Variants in CFAP69 observed in about 807,000 individuals in gnomAD.
The protein encoded by CFAP69 is cilia and flagella associated protein 69, also known as cilia- and flagella-associated protein 69.
In CFAP69, 92 loss-of-function variants were observed where a neutral mutation model predicts 123.0. The ratio of observed to expected loss-of-function variants is 0.75; its 90% CI spans 0.63 to 0.89. CFAP69 has a LOEUF of 0.89. Among genes scored for constraint, CFAP69 ranks in the 40% least tolerant of loss-of-function variants. CFAP69 has a pLI of 0.00. For synonymous variants in CFAP69, 380 were observed against 364.3 expected, an observed-to-expected ratio of 1.04 and a Z score of -0.49; for missense variants, 1,067 against 1,096.9, an observed-to-expected ratio of 0.97 and a Z score of 0.39.
chr7:90,309,664 A>C (rs1283139213), intron 22 of CFAP69, among the ~76,000 whole-genome samples: 2 of 152,074 alleles, frequency 1.3e-5, no homozygotes, highest in Non-Finnish European at 2.9e-5. Context: ...ATTTATCTCC[A>C]ATGTATATCC....
chr7:90,297,198 T>C (rs1158863188), intron 15 of CFAP69, among the ~76,000 whole-genome samples: 1 of 152,220 alleles, frequency 6.6e-6, no homozygotes, highest in Non-Finnish European at 1.5e-5. Flanking sequence ...GAGTCTGTTT[T>C]TTCATTCTTA....
At chr7:90,297,375 T>TG (rs796122735) in intron 15 of CFAP69, among the ~76,000 whole-genome samples, 4 of 152,224 alleles carry the variant, frequency 2.6e-5, no homozygotes, top group African/African-American at 4.8e-5. Flanking sequence ...TTCAGTTGGT[T>TG]GGGGGGCTTA....
intron 13 of CFAP69, 33 bp downstream of exon 13, chr7:90,283,089 G>A (rs763932642): frequency 1.4e-6 from 2 of 1,423,710 alleles, no homozygotes; most frequent in Non-Finnish European, 1.9e-6. Flanking sequence ...ACTGATGAAA[G>A]AGGAATATTT....
rs749734255 is a variant in CFAP69, at chr7:90,258,179, A to G, written c.246+16A>G. ...GAATGGACTTGTATCCTTTACATAT[A>G]TATGTATGTTCATTTCATTTATTCT... On this transcript the variant is annotated intron_variant, in intron 3 of 22. Coordinates refer to ENST00000389297, the MANE Select transcript of CFAP69 (RefSeq NM_001039706.3). 1.3e-5 allele frequency: 20 copies of G among 1,500,682 alleles called. No homozygotes were observed. Among genetic ancestry groups the G allele is most frequent in the African/African-American group, 2.8e-5 (2 of 71,944 alleles). 93.0% of individuals were successfully genotyped at this position (1,500,682 alleles called of 1,614,324 possible).
Position 90,286,401 on chromosome 7 carries a change from T to C in CFAP69, c.1656+2T>C, listed in dbSNP as rs1397695583. The C allele has an allele frequency of 2.5e-6, 4 of 1,609,508 alleles. No individual in the cohort carries two copies. The highest frequency in any genetic ancestry group is 3.4e-6 in the Non-Finnish European group (4 of 1,178,616). ...TGTGAGAATCACATTCAAAGGAAGG[T>C]ATGTATGCCTGTGAAAGTTTTGTTC... On this transcript the variant is annotated splice_donor_variant, in intron 14 of 22. Coordinates refer to ENST00000389297, the MANE Select transcript of CFAP69 (RefSeq NM_001039706.3). LOFTEE classifies it high-confidence loss of function.
the CFAP69 span, chr7:90,319,739 C>A: frequency 5.0e-6 from 2 of 398,098 alleles, no homozygotes; most frequent in Non-Finnish European, 8.9e-6. Flanking sequence ...CTTCTTGTAG[C>A]AAAACACATA....
chr7:90,248,574 G>A (rs2116513013), intron 1 of CFAP69, among the ~76,000 whole-genome samples: 1 of 152,238 alleles, frequency 6.6e-6, no homozygotes, highest in South Asian at 2.1e-4. Flanking sequence ...TATGAGTAAA[G>A]TTATTAGTAA....
intron 3 of CFAP69, among the ~76,000 whole-genome samples, chr7:90,258,906 CATT>C (rs1462159537): frequency 2.6e-5 from 4 of 152,088 alleles, no homozygotes; most frequent in African/African-American, 9.7e-5. Flanking sequence ...AAGTCAAAGT[CATT>C]ATTTCTATTA....
chr7:90,282,783 A>G, intron 12 of CFAP69, 109 bp from the exon 13 acceptor site: 2 of 906,032 alleles, frequency 2.2e-6, no homozygotes, highest in Non-Finnish European at 3.0e-6. Flanking sequence ...TAAAGCAAAT[A>G]TGACAAAATT....
At chr7:90,276,033 C>T (rs951330995) in intron 9 of CFAP69, 2 of 152,302 alleles carry the variant, frequency 1.3e-5, no homozygotes, top group East Asian at 1.9e-4. Flanking sequence ...GAATTTCTCT[C>T]GGAGCTACTA....
chr7:90,309,804 C>T (rs1794111614), intron 22 of CFAP69, among the ~76,000 whole-genome samples: 1 of 152,158 alleles, frequency 6.6e-6, no homozygotes, highest in African/African-American at 2.4e-5. Context: ...TTCCCCTTTT[C>T]CTGGCGAGTA....
At chr7:90,255,556 C>A in intron 2 of CFAP69, 74 bp downstream of exon 2, 1 of 1,117,286 alleles carries the variant, frequency 9.0e-7, no homozygotes, top group South Asian at 1.3e-5. Context: ...AACATATATT[C>A]CTTCAAATGT....
chr7:90,288,438 T>A, intron 15 of CFAP69, 86 bp downstream of exon 15: 1 of 1,459,308 alleles, frequency 6.9e-7, no homozygotes, highest in Non-Finnish European at 9.3e-7. Context: ...GAGAAATGTT[T>A]CCTTAGGCAA....
chr7:90,272,022 T>C lies in CFAP69; in HGVS notation c.860+64T>C, dbSNP rs149598775. 1.6e-4 allele frequency: 222 copies of C among 1,412,974 alleles called. No homozygotes were observed. In the Middle Eastern group the frequency reaches 2.1e-3, roughly 14 times the overall value. The allele number at this position is 1,412,974 out of a possible 1,614,324, so 87.5% of individuals were successfully genotyped here. A position where few individuals can be genotyped will look rare whatever the true frequency, so the allele number is the denominator to read the frequency against. On this transcript the variant is annotated intron_variant, in intron 8 of 22. Coordinates refer to ENST00000389297, the MANE Select transcript of CFAP69 (RefSeq NM_001039706.3). ...TTAAAATGACAGCCAGTGACATAAC[T>C]AACATCTTTGTTTGAATCTGTGTTC...
At chr7:90,283,977 G>A (rs1789879026) in intron 13 of CFAP69, among the ~76,000 whole-genome samples, 1 of 152,060 alleles carries the variant, frequency 6.6e-6, no homozygotes, top group African/African-American at 2.4e-5. Context: ...TGCCCAGTTT[G>A]TTTGGGATGA....
At position 90,279,731 on chromosome 7, in the gene CFAP69, G is replaced by A. The variant is rs1325946825; in HGVS notation, c.1210G>A (p.Glu404Lys). 1 of 1,611,724 alleles carries A rather than the reference G, an allele frequency of 6.2e-7. No individual in the cohort carries two copies. The highest frequency in any genetic ancestry group is 1.3e-5 in the African/African-American group (1 of 74,824). Residue 404 changes from glutamate to lysine, a missense_variant, in exon 12 of 23, where the codon GAG becomes AAG. By Grantham distance (56) the Glu-to-Lys change is moderately conservative. Coordinates refer to ENST00000389297, the MANE Select transcript of CFAP69 (RefSeq NM_001039706.3). ...LALFTYVKKP[E>K]KQKIIDWSAA... The stretch of plus-strand genomic sequence containing the variant: ...TTTGTTTACCTATGTTAAGAAGCCT[G>A]AGAAGCAAAAAATAATTGACTGGTC...
At chr7:90,289,554 T>G (rs1790808388) in intron 15 of CFAP69, among the ~76,000 whole-genome samples, 1 of 152,170 alleles carries the variant, frequency 6.6e-6, no homozygotes, top group South Asian at 2.1e-4. Flanking sequence ...TTGTCAAATA[T>G]ATTCTGCCAC....
chr7:90,245,585 G>A (rs746476717), intron 1 of CFAP69, 41 bp downstream of exon 1: 1 of 1,442,094 alleles, frequency 6.9e-7, no homozygotes, highest in South Asian at 1.5e-5. Context: ...GGAGGGGGTG[G>A]GAGTGAAGTC....
chr7:90,283,349 G>T (rs1272627729), intron 13 of CFAP69, among the ~76,000 whole-genome samples: 1 of 151,758 alleles, frequency 6.6e-6, no homozygotes, highest in East Asian at 1.9e-4. Flanking sequence ...AGTAATAAAG[G>T]TCACCACTTT....
Sources: allele counts gnomAD v4.1 joint callset (sites outside exome capture counted in the v4.1 genomes callset), GRCh38; gene constraint gnomAD v4.1.1; transcripts MANE v1.5; gene names NCBI Gene and HGNC (gene_info 2026-07-23, HGNC 2026-07-21).